The following INVS variants were observed in gnomAD, a reference collection of about 807,000 sequenced individuals.
INVS encodes the protein inversin, also known as inversion of embryo turning homolog.
A neutral mutation model predicts 108.8 loss-of-function variants in INVS; 86 were observed. The observed-to-expected ratio is 0.79, with a 90% CI of 0.66 to 0.95. The LOEUF (loss-of-function observed/expected upper bound fraction) is 0.95, where lower values mean the gene tolerates loss of function less well. Among genes scored for constraint, INVS ranks in the 40% least tolerant of loss-of-function variants. INVS has a pLI of 0.00. For synonymous variants in INVS, 455 were observed against 473.5 expected, an observed-to-expected ratio of 0.96 and a Z score of 0.51; for missense variants, 1,169 against 1,297.4, an observed-to-expected ratio of 0.90 and a Z score of 1.52.
intron 3 of INVS, among the ~76,000 whole-genome samples, chr9:100,147,514 T>A (rs1168406832): frequency 2.6e-5 from 4 of 152,214 alleles, no homozygotes; most frequent in African/African-American, 9.6e-5. Context: ...TGTGGATAAA[T>A]AAGTTTTTTC....
intron 1 of INVS, chr9:100,101,523 C>A (rs368146157): frequency 3.3e-5 from 5 of 152,148 alleles, no homozygotes; most frequent in Non-Finnish European, 5.9e-5. Context: ...CCTCTTCCTC[C>A]ATATTTTCTG....
Position 100,292,953 on chromosome 9 carries a change from G to A in INVS, c.2696G>A (p.Arg899Gln), listed in dbSNP as rs142177132. Residue 899 changes from arginine (R) to glutamine (Q), a missense_variant, in exon 14 of 17, where the codon CGA becomes CAA. This residue lies in a region of INVS where 533 missense variants were observed against 536.0 expected (regional missense o/e 0.99). Transcript: ENST00000262457. The part of the protein sequence containing the change: ...VNIDLLPVEL[R>Q]LQIIQRERRR... ...ATTGACCTTCTCCCCGTAGAGCTCC[G>A]ACTGCAGATAATTCAGAGAGAACGA... 23 of 1,612,818 alleles carry A rather than the reference G, an allele frequency of 1.4e-5. No homozygotes were observed. Among genetic ancestry groups the A allele is most frequent in the South Asian group, 2.2e-5 (2 of 91,042 alleles).
At chr9:100,207,180 G>C (rs35993804) in intron 3 of INVS, among the ~76,000 whole-genome samples, 29,379 of 151,886 alleles carry the variant, frequency 0.19, 4,486 homozygotes, top group African/African-American at 0.43. Context: ...TCCTGGAACC[G>C]TCCAACCCAC....
At chr9:100,266,590 C>T (rs1415254101) in intron 11 of INVS, among the ~76,000 whole-genome samples, 1 of 152,194 alleles carries the variant, frequency 6.6e-6, no homozygotes, top group African/African-American at 2.4e-5. Flanking sequence ...AGCTTCTTTA[C>T]TGCAACCTGT....
intron 10 of INVS, 141 bp from the exon 11 acceptor site, chr9:100,264,679 CCA>C: frequency 1.5e-6 from 1 of 666,700 alleles, no homozygotes; most frequent in Middle Eastern, 3.0e-4. Flanking sequence ...TTTGCTTTCT[CCA>C]CTGTATATTT....
chr9:100,160,623 A>C (rs1230782097), intron 3 of INVS, among the ~76,000 whole-genome samples: 2 of 152,144 alleles, frequency 1.3e-5, no homozygotes, highest in Non-Finnish European at 2.9e-5. Context: ...TAGTTCAGTT[A>C]TCTCCCTCCA....
chr9:100,105,850 CTTTTTTT>C (rs543070811), intron 2 of INVS, among the ~76,000 whole-genome samples: 1,066 of 63,820 alleles, frequency 0.017, 8 homozygotes, highest in Middle Eastern at 0.022. Flanking sequence ...GAAAAATTCC[CTTTTTTT>C]TTTTTTTTTT....
intron 2 of INVS, among the ~76,000 whole-genome samples, chr9:100,115,534 T>C (rs1474384409): frequency 6.6e-6 from 1 of 152,032 alleles, no homozygotes; most frequent in Non-Finnish European, 1.5e-5. Context: ...AGTTCCCACC[T>C]ATGAGTGAGA....
At position 100,297,961 on chromosome 9, in the gene INVS, TCATC is replaced by T; in HGVS notation, c.3044_3047del (p.His1015LeufsTer5). The T allele has an allele frequency of 6.2e-7, 1 of 1,614,184 alleles. No individual in the cohort carries two copies. Among genetic ancestry groups the T allele is most frequent in the Non-Finnish European group, 8.5e-7 (1 of 1,180,010 alleles). On this transcript the variant is annotated frameshift_variant, in exon 16 of 17. Coordinates refer to ENST00000262457, the MANE Select transcript of INVS (RefSeq NM_014425.5). LOFTEE classifies it high-confidence loss of function. ...GTTGTTCTCACGAAGGGAAAATACA[TCATC>T]CTACAAGATCTGTAAAAGCCTCTTC... is the stretch of plus-strand genomic sequence containing the variant.
chr9:100,166,740 A>T (rs1413439250), intron 3 of INVS, among the ~76,000 whole-genome samples: 1 of 152,150 alleles, frequency 6.6e-6, no homozygotes, highest in African/African-American at 2.4e-5. Context: ...ACTTTTCTCA[A>T]CATTCCCTTT....
At chr9:100,175,628 T>G in intron 3 of INVS, 1 of 672,368 alleles carries the variant, frequency 1.5e-6, no homozygotes, top group South Asian at 1.5e-5. Context: ...AGAATAGCAA[T>G]GGTGTGACTC....
At chr9:100,299,207 T>C (rs1039224988) in intron 16 of INVS, among the ~76,000 whole-genome samples, 7 of 152,198 alleles carry the variant, frequency 4.6e-5, no homozygotes, top group South Asian at 2.1e-4. Flanking sequence ...TTTTGACTGG[T>C]TTAAAATCAG....
chr9:100,151,882 A>G (rs1206605474), intron 3 of INVS, among the ~76,000 whole-genome samples: 1 of 152,218 alleles, frequency 6.6e-6, no homozygotes, highest in South Asian at 2.1e-4. Context: ...GTGTTACATG[A>G]CTATAACTGT....
chr9:100,238,820 A>G (rs939235270), intron 5 of INVS, among the ~76,000 whole-genome samples: 6 of 152,240 alleles, frequency 3.9e-5, no homozygotes, highest in African/African-American at 1.4e-4. Context: ...GGTAATTTTG[A>G]TAATGCTTGC....
chr9:100,299,640 ACACAC>A, intron 16 of INVS, among the ~76,000 whole-genome samples: 1 of 23,008 alleles, frequency 4.3e-5, no homozygotes, highest in Admixed American at 6.2e-4. Context: ...TTATTGACAC[ACACAC>A]ACACACACAC....
chr9:100,106,554 A>G (rs961309475), intron 2 of INVS, among the ~76,000 whole-genome samples: 2 of 152,178 alleles, frequency 1.3e-5, no homozygotes, highest in Non-Finnish European at 2.9e-5. Flanking sequence ...CATTCTCATA[A>G]TATTGCAATC....
At chr9:100,146,896 T>C (rs1422756548) in intron 3 of INVS, among the ~76,000 whole-genome samples, 4 of 152,376 alleles carry the variant, frequency 2.6e-5, no homozygotes, top group Admixed American at 1.3e-4. Context: ...TCAACGTAGG[T>C]GTACATATAC....
intron 3 of INVS, among the ~76,000 whole-genome samples, chr9:100,131,096 C>T (rs1450626863): frequency 6.6e-6 from 1 of 152,124 alleles, no homozygotes; most frequent in East Asian, 1.9e-4. Context: ...ATTTTGCTCA[C>T]ATCTCTATTA....
chr9:100,298,634 C>T (rs2118789223), intron 16 of INVS, among the ~76,000 whole-genome samples: 1 of 152,368 alleles, frequency 6.6e-6, no homozygotes, highest in African/African-American at 2.4e-5. Context: ...CCTCGATCCA[C>T]ACAGTCATCC....
Sources: allele counts gnomAD v4.1 joint callset (sites outside exome capture counted in the v4.1 genomes callset), GRCh38; gene constraint gnomAD v4.1.1; regional missense constraint gnomAD v4.1.1; transcripts MANE v1.5; gene names NCBI Gene and HGNC (gene_info 2026-07-23, HGNC 2026-07-21).